Variants in RORA observed in about 807,000 individuals in gnomAD.
RORA encodes the protein RAR related orphan receptor A.
Under a neutral mutation model 69.5 loss-of-function variants are expected in RORA, and 7 were observed. The ratio of observed to expected loss-of-function variants is 0.10; its 90% CI spans 0.06 to 0.19. RORA has a LOEUF of 0.19. Among genes scored for constraint, RORA ranks in the 10% least tolerant of loss-of-function variants. RORA has a pLI of 1.00. For synonymous variants in RORA, 261 were observed against 240.8 expected (o/e 1.08, Z -0.78); for missense variants, 457 against 663.0 (o/e 0.69, Z 3.41).
chr15:61,061,124 C>T lies in RORA; in HGVS notation c.166+167929G>A, dbSNP rs774837518. Among the ~76,000 whole-genome samples the T allele has an allele frequency of 2.1e-4, 32 of 152,138 alleles. No individual in the cohort carries two copies. The Middle Eastern group carries it at 0.01, about 49-fold the overall frequency. On this transcript the variant is annotated intron_variant, in intron 1 of 10. Transcript: ENST00000335670. This position sits in a 1 kb window ranked among gnomAD's most constrained non-coding sequence, Gnocchi z 4.4. ...ATCCCAGCACTTTGGGAGGCCGAGG[C>T]GGGCGGATCACAAGATCAGGAGATC... is the stretch of plus-strand genomic sequence containing the variant.
chr15:60,601,176 C>T (rs542411536), intron 2 of RORA: 1 of 152,286 alleles, frequency 6.6e-6, no homozygotes, highest in South Asian at 2.1e-4. Flanking sequence ...CTGACTTCTC[C>T]AGAAATCAAG....
intron 1 of RORA, among the ~76,000 whole-genome samples, chr15:61,037,972 A>G (rs963779328): frequency 2.0e-5 from 3 of 152,108 alleles, no homozygotes; most frequent in African/African-American, 4.8e-5. Context: ...AACCCAGAAA[A>G]AGCCTGAGGG....
intron 1 of RORA, among the ~76,000 whole-genome samples, chr15:61,001,811 C>A (rs1894755182): frequency 6.6e-6 from 1 of 152,214 alleles, no homozygotes; most frequent in Non-Finnish European, 1.5e-5. Flanking sequence ...TGAGGGGTTA[C>A]TTCTATGTGG....
At chr15:60,669,868 T>C (rs1158215900) in intron 2 of RORA, among the ~76,000 whole-genome samples, 2 of 152,356 alleles carry the variant, frequency 1.3e-5, no homozygotes, top group Non-Finnish European at 2.9e-5. Flanking sequence ...GTGTGTGTCC[T>C]TTCTCCTAGA....
At chr15:60,946,893 T>C (rs900439485) in intron 1 of RORA, among the ~76,000 whole-genome samples, 4 of 143,010 alleles carry the variant, frequency 2.8e-5, no homozygotes, top group African/African-American at 7.9e-5. Context: ...CCGTCTGGGA[T>C]GTGAGGAGCG....
At chr15:60,736,192 T>C (rs1177010735) in intron 1 of RORA, among the ~76,000 whole-genome samples, 1 of 152,172 alleles carries the variant, frequency 6.6e-6, no homozygotes, top group African/African-American at 2.4e-5. Flanking sequence ...CTCCTTTTTT[T>C]CCCCTGGTCC....
chr15:60,712,598 T>G (rs1002631073), intron 1 of RORA, among the ~76,000 whole-genome samples: 1 of 152,212 alleles, frequency 6.6e-6, no homozygotes, highest in African/African-American at 2.4e-5. Context: ...TAGGACCCAG[T>G]GTATTGCAAG....
At chr15:60,674,095 C>A (rs1030196340) in intron 2 of RORA, among the ~76,000 whole-genome samples, 1 of 152,202 alleles carries the variant, frequency 6.6e-6, no homozygotes, top group African/African-American at 2.4e-5. Context: ...ACCCTGCCAG[C>A]AACAGAAATT....
At chr15:61,112,101 C>T (rs907430086) in intron 1 of RORA, among the ~76,000 whole-genome samples, 1 of 152,172 alleles carries the variant, frequency 6.6e-6, no homozygotes, top group African/African-American at 2.4e-5. Context: ...TGCCGGTCCT[C>T]AAATTGGTCA....
intron 1 of RORA, among the ~76,000 whole-genome samples, chr15:61,141,305 T>C (rs2079295932): frequency 6.6e-6 from 1 of 152,194 alleles, no homozygotes; most frequent in African/African-American, 2.4e-5. Context: ...TTGTAATCGA[T>C]GTAGAATTTG....
chr15:60,855,308 A>C (rs757037668), intron 1 of RORA, among the ~76,000 whole-genome samples: 2 of 152,192 alleles, frequency 1.3e-5, no homozygotes, highest in Non-Finnish European at 2.9e-5. Flanking sequence ...CAACTTTTAC[A>C]GTAACATGGA....
At chr15:60,819,765 A>ACG (rs1555455760) in intron 1 of RORA, among the ~76,000 whole-genome samples, 1 of 124,342 alleles carries the variant, frequency 8.0e-6, no homozygotes, top group South Asian at 2.4e-4. Flanking sequence ...ACACACACAC[A>ACG]CACACACACA....
chr15:60,691,640 G>C (rs972189137), intron 1 of RORA, among the ~76,000 whole-genome samples: 1 of 152,254 alleles, frequency 6.6e-6, no homozygotes, highest in Admixed American at 6.5e-5. Context: ...AAACTGGAAG[G>C]CTACATACAA....
At chr15:61,142,511 C>A (rs1189529359) in intron 1 of RORA, among the ~76,000 whole-genome samples, 1 of 151,370 alleles carries the variant, frequency 6.6e-6, no homozygotes, top group Non-Finnish European at 1.5e-5. Context: ...AGTTATTTTT[C>A]CAAAACAGCT....
At chr15:60,677,026 C>T in intron 2 of RORA, 1 of 361,292 alleles carries the variant, frequency 2.8e-6, no homozygotes, top group South Asian at 2.0e-5. Flanking sequence ...CAGTCAGTAG[C>T]TTTCTGTACA....
rs1895052262 is a variant in RORA, at chr15:61,010,502, A to G, written c.166+218551T>C. Among the ~76,000 whole-genome samples the G allele has an allele frequency of 2.6e-5, 4 of 152,346 alleles. No individual in the cohort carries two copies. The South Asian group carries it at 8.3e-4, about 32-fold the overall frequency. On this transcript the variant is annotated intron_variant, in intron 1 of 10. Coordinates refer to ENST00000335670, the MANE Select transcript of RORA (RefSeq NM_134261.3). ...TATCGAAGAAACAAAAGGCTGAGAG[A>G]TCGATCACCTGGTCTGGCCAATTGT...
chr15:61,100,802 T>TA (rs958856540), intron 1 of RORA, among the ~76,000 whole-genome samples: 26 of 152,362 alleles, frequency 1.7e-4, no homozygotes, highest in African/African-American at 6.3e-4. Context: ...CAGTTTAGGC[T>TA]AATGTCTTTC....
chr15:60,976,997 C>T (rs1057137960), intron 1 of RORA, among the ~76,000 whole-genome samples: 1 of 151,912 alleles, frequency 6.6e-6, no homozygotes, highest in African/African-American at 2.4e-5. Flanking sequence ...TGGTTTATGC[C>T]TGTTGTGCTG....
chr15:61,140,852 C>T (rs1463960996), intron 1 of RORA, among the ~76,000 whole-genome samples: 4 of 152,064 alleles, frequency 2.6e-5, no homozygotes, highest in East Asian at 1.9e-4. Flanking sequence ...CTTGTGTTGA[C>T]GTGTGAGCTG....
Sources: gnomAD v4.1 joint callset for allele counts (sites outside exome capture counted in the v4.1 genomes callset) on GRCh38, gnomAD v4.1.1 for gene constraint, Gnocchi (gnomAD v3.1) non-coding constraint, MANE v1.5 for transcripts, NCBI Gene and HGNC (gene_info 2026-07-23, HGNC 2026-07-21) for gene names.